XKR6: variants seen among roughly 807,000 people sequenced by gnomAD.
XKR6 encodes XK-related protein 6.
A neutral mutation model predicts 56.7 loss-of-function variants in XKR6; 22 were observed. That is an observed-to-expected ratio of 0.39 (90% CI 0.28 to 0.55). The LOEUF (loss-of-function observed/expected upper bound fraction) is 0.55. XKR6 is among the 20% of genes least tolerant of loss of function. The probability of loss-of-function intolerance (pLI) is 0.66; values close to 1 mark genes in which losing one functional copy is unlikely to be tolerated. For missense variants in XKR6, 852 were observed against 889.0 expected (o/e 0.96, Z 0.53); for synonymous variants, 524 against 387.8 (o/e 1.35, Z -4.13).
At chr8:11,132,731 C>T (rs894202933) in intron 1 of XKR6, among the ~76,000 whole-genome samples, 7 of 151,214 alleles carry the variant, frequency 4.6e-5, no homozygotes, top group Admixed American at 4.6e-4. Context: ...TTTCTTCATA[C>T]TGGCTCTGTC....
chr8:10,898,667 C>G lies in XKR6; in HGVS notation c.1211G>C (p.Gly404Ala). Residue 404 changes from glycine to alanine, a missense_variant, in exon 3 of 3, where the codon GGC becomes GCC. By Grantham distance (60) the Gly-to-Ala change is moderately conservative. Around this residue, in one of 4 missense-constraint regions of XKR6, gnomAD observed 199 missense variants for 280.4 expected, o/e 0.71. Transcript: ENST00000416569. The surrounding 1 kb of genome is among the most constrained non-coding windows in gnomAD (Gnocchi z 6.6). ...CTTGGACATGCAGAAGTCTGTTCCG[C>G]CATGGATGATCCAGAAGGCCATGGC... ...WCAMAFWIIHGGTDFCMSKWE... is the reference protein window; with the variant it reads ...WCAMAFWIIHAGTDFCMSKWE... 6.2e-7 allele frequency: 1 copy of G among 1,614,130 alleles called. No individual in the cohort carries two copies. Among genetic ancestry groups the G allele is most frequent in the Non-Finnish European group, 8.5e-7 (1 of 1,180,038 alleles).
At chr8:11,147,392 G>A (rs576726369) in intron 1 of XKR6, among the ~76,000 whole-genome samples, 5 of 152,096 alleles carry the variant, frequency 3.3e-5, no homozygotes, top group East Asian at 1.9e-4. Context: ...GCGGCCAGGC[G>A]CGGTGGCTCA....
chr8:11,033,395 T>C (rs529232826), intron 1 of XKR6, among the ~76,000 whole-genome samples: 90 of 150,478 alleles, frequency 6.0e-4, no homozygotes, highest in African/African-American at 2.0e-3. Flanking sequence ...ATGATGATGA[T>C]GACGATAGTG....
intron 1 of XKR6, among the ~76,000 whole-genome samples, chr8:11,161,597 T>C (rs928815934): frequency 6.6e-6 from 1 of 152,232 alleles, no homozygotes; most frequent in Non-Finnish European, 1.5e-5. Context: ...TGCCTGGCAG[T>C]TCTTTCTTTC....
At chr8:11,138,210 C>T (rs946597165) in intron 1 of XKR6, 6 of 158,708 alleles carry the variant, frequency 3.8e-5, no homozygotes, top group Admixed American at 3.7e-4. Context: ...AACAATGCAT[C>T]ACCTACTTAG....
At chr8:11,008,265 T>G (rs993711880) in intron 1 of XKR6, among the ~76,000 whole-genome samples, 57 of 151,996 alleles carry the variant, frequency 3.8e-4, no homozygotes, top group African/African-American at 1.3e-3. Flanking sequence ...GGCTCCAACA[T>G]GATGCAAAAA....
intron 1 of XKR6, among the ~76,000 whole-genome samples, chr8:11,147,751 A>G (rs964211995): frequency 6.6e-6 from 1 of 152,124 alleles, no homozygotes; most frequent in African/African-American, 2.4e-5. Flanking sequence ...AGGAGATGCC[A>G]TTACACACCT....
Position 11,110,371 on chromosome 8 carries a change from T to C in XKR6, c.764+90205A>G, listed in dbSNP as rs974689220. On this transcript the variant is annotated intron_variant, in intron 1 of 2. Transcript: ENST00000416569. ...CAAAGCAAAAAGGAGCCAGGGGTAT[T>C]GGGGTAGACTATTCAGCTTCCAAAA... is the stretch of plus-strand genomic sequence containing the variant. Among the ~76,000 whole-genome samples the C allele has an allele frequency of 3.9e-5, 6 of 152,350 alleles. No individual in the cohort carries two copies. The South Asian group carries it at 1.2e-3, about 32-fold the overall frequency.
At chr8:11,061,896 G>A (rs997300925) in intron 1 of XKR6, among the ~76,000 whole-genome samples, 5 of 152,150 alleles carry the variant, frequency 3.3e-5, no homozygotes, top group African/African-American at 1.2e-4. Flanking sequence ...GCAAGGACGC[G>A]GCCAGCATCA....
intron 1 of XKR6, among the ~76,000 whole-genome samples, chr8:10,937,680 C>T (rs1334145656): frequency 0.025 from 2,483 of 99,648 alleles, no homozygotes; most frequent in Non-Finnish European, 0.028. Flanking sequence ...TCAGTGTGCC[C>T]CTGCTGGGGG....
intron 1 of XKR6, among the ~76,000 whole-genome samples, chr8:10,983,880 C>T (rs1182213140): frequency 6.6e-6 from 1 of 152,212 alleles, no homozygotes; most frequent in East Asian, 1.9e-4. Flanking sequence ...TGGTCTTGAT[C>T]TCCTGACCTC....
rs936055529 is a variant in XKR6, at chr8:11,177,661, G to C, written c.764+22915C>G. 6.6e-5 allele frequency among the ~76,000 whole-genome samples: 10 copies of C among 152,360 alleles called. No individual in the cohort carries two copies. In the East Asian group the frequency reaches 1.9e-3, roughly 29 times the overall value. On this transcript the variant is annotated intron_variant, in intron 1 of 2. Transcript: ENST00000416569. ...ATACACGCAGAGGGAAAACACCAGTGACAGCAGAGGTAGATGCTGAGGTTA... is the reference window on the plus strand; with the variant it reads ...ATACACGCAGAGGGAAAACACCAGTCACAGCAGAGGTAGATGCTGAGGTTA...
At chr8:10,954,866 C>CTCTTTTTTTTTTTTTTT (rs1563309729) in intron 1 of XKR6, among the ~76,000 whole-genome samples, 42 of 92,798 alleles carry the variant, frequency 4.5e-4, no homozygotes, top group South Asian at 1.8e-3. Flanking sequence ...ACTTCATTCT[C>CTCTTTTTTTTTTTTTTT]TTTTTTTTTT....
Position 11,200,827 on chromosome 8 carries a change from C to A in XKR6, c.513G>T (p.Val171=). ...TCAGGCTCTGCACCAGCAGCGACGGCACCAGCACGAAGAAGAGGGTCAGCC... is the reference window on the plus strand; with the variant it reads ...TCAGGCTCTGCACCAGCAGCGACGGAACCAGCACGAAGAAGAGGGTCAGCC... ...YFGLTLFFVL[V]PSLLVQSLSF... is the part of the protein sequence containing the mutation. Residue 171 remains valine (V), a synonymous_variant, in exon 1 of 3, where the codon GTG becomes GTT. Transcript: ENST00000416569. The surrounding 1 kb of genome is among the most constrained non-coding windows in gnomAD (Gnocchi z 6.4). 6.2e-7 allele frequency: 1 copy of A among 1,611,946 alleles called. No individual in the cohort carries two copies. The highest frequency in any genetic ancestry group is 1.3e-5 in the African/African-American group (1 of 74,886).
intron 1 of XKR6, among the ~76,000 whole-genome samples, chr8:10,942,791 T>C (rs1441877792): frequency 1.3e-5 from 2 of 152,150 alleles, no homozygotes; most frequent in African/African-American, 4.8e-5. Context: ...TACAACCCCT[T>C]CCCTTATCCC....
At chr8:11,070,382 G>A (rs1800085370) in intron 1 of XKR6, among the ~76,000 whole-genome samples, 1 of 152,152 alleles carries the variant, frequency 6.6e-6, no homozygotes, top group South Asian at 2.1e-4. Flanking sequence ...GAACATTTTT[G>A]CTAGATTTCA....
At chr8:10,971,126 A>C (rs1227191752) in intron 1 of XKR6, among the ~76,000 whole-genome samples, 1 of 151,554 alleles carries the variant, frequency 6.6e-6, no homozygotes, top group Admixed American at 6.6e-5. Flanking sequence ...TGTGTGTTTT[A>C]AAATTACAAG....
At chr8:10,974,163 G>C (rs1802486961) in intron 1 of XKR6, among the ~76,000 whole-genome samples, 1 of 152,204 alleles carries the variant, frequency 6.6e-6, no homozygotes. Context: ...TACCCCAGGA[G>C]GTACTTGGCA....
chr8:10,986,689 T>A (rs1797871362), intron 1 of XKR6, among the ~76,000 whole-genome samples: 2 of 152,242 alleles, frequency 1.3e-5, no homozygotes, highest in Admixed American at 6.5e-5. Flanking sequence ...AGCTGAATGA[T>A]CTAGACAATA....
Sources: gnomAD v4.1 joint callset for allele counts (sites outside exome capture counted in the v4.1 genomes callset) on GRCh38, gnomAD v4.1.1 for gene constraint, gnomAD v4.1.1 regional missense constraint, Gnocchi (gnomAD v3.1) non-coding constraint, MANE v1.5 for transcripts, NCBI Gene and HGNC (gene_info 2026-07-23, HGNC 2026-07-21) for gene names.